Variants in MAPK8 observed in about 807,000 individuals in gnomAD.
The protein encoded by MAPK8 is mitogen-activated protein kinase 8, also known as JUN N-terminal kinase.
MAPK8 carries 13 observed loss-of-function variants against 52.9 expected under a neutral mutation model. That is an observed-to-expected ratio of 0.25 (90% confidence interval 0.16 to 0.39). The LOEUF (loss-of-function observed/expected upper bound fraction) is 0.39. MAPK8 is among the 10% of genes least tolerant of loss of function. The probability of loss-of-function intolerance (pLI) is 1.00; values close to 1 mark genes in which losing one functional copy is unlikely to be tolerated. For synonymous variants in MAPK8, 191 were observed against 169.8 expected, an observed-to-expected ratio of 1.12 and a Z score of -0.97; for missense variants, 300 against 519.2, an observed-to-expected ratio of 0.58 and a Z score of 4.10.
intron 1 of MAPK8, among the ~76,000 whole-genome samples, chr10:48,315,584 C>T (rs1842418391): frequency 1.4e-5 from 2 of 143,496 alleles, no homozygotes; most frequent in African/African-American, 2.6e-5. Flanking sequence ...TTTTTTTTTG[C>T]TGTTTTATAT....
At chr10:48,331,136 A>G (rs879603941) in intron 1 of MAPK8, among the ~76,000 whole-genome samples, 16 of 152,176 alleles carry the variant, frequency 1.1e-4, no homozygotes, top group Non-Finnish European at 2.2e-4. Flanking sequence ...ACCATACATC[A>G]TCCCAGCTGG....
At chr10:48,323,961 T>G (rs1406717981) in intron 1 of MAPK8, among the ~76,000 whole-genome samples, 1 of 152,240 alleles carries the variant, frequency 6.6e-6, no homozygotes. Context: ...TTTTGGTTCC[T>G]TACAACTGAA....
chr10:48,405,006 A>G (rs1357582136), intron 3 of MAPK8, 25 bp downstream of exon 3: 1 of 1,543,164 alleles, frequency 6.5e-7, no homozygotes, highest in Admixed American at 1.9e-5. Context: ...TTGGTTTCCT[A>G]AGTATAGATG....
At chr10:48,316,672 G>A (rs10745266) in intron 1 of MAPK8, among the ~76,000 whole-genome samples, 76,528 of 152,076 alleles carry the variant, frequency 0.5, 19,869 homozygotes, top group Middle Eastern at 0.72. Flanking sequence ...AGGGTGCAAA[G>A]AGTGAGTTTG....
chr10:48,400,602 A>G (rs372759345), intron 1 of MAPK8, among the ~76,000 whole-genome samples: 1 of 152,160 alleles, frequency 6.6e-6, no homozygotes, highest in Non-Finnish European at 1.5e-5. Flanking sequence ...CAGGACATGC[A>G]GACTGCCTAG....
intron 1 of MAPK8, among the ~76,000 whole-genome samples, chr10:48,348,167 T>C (rs559307947): frequency 5.3e-5 from 8 of 152,360 alleles, no homozygotes; most frequent in African/African-American, 1.9e-4. Context: ...TCTTCATGTG[T>C]TTGTTGGCTG....
intron 5 of MAPK8, among the ~76,000 whole-genome samples, chr10:48,412,969 G>A (rs1011385452): frequency 7.9e-5 from 12 of 151,860 alleles, no homozygotes; most frequent in African/African-American, 2.4e-4. Context: ...CGCAACCCCC[G>A]ACAGACATCA....
chr10:48,354,129 C>T (rs993105582), intron 1 of MAPK8, among the ~76,000 whole-genome samples: 6 of 152,040 alleles, frequency 3.9e-5, no homozygotes, highest in Admixed American at 2.6e-4. Context: ...TTGGAACTTC[C>T]TTTGAATCTA....
At chr10:48,324,891 T>A (rs1009644412) in intron 1 of MAPK8, among the ~76,000 whole-genome samples, 11 of 152,178 alleles carry the variant, frequency 7.2e-5, no homozygotes, top group Non-Finnish European at 1.3e-4. Flanking sequence ...AGCAGCCTTT[T>A]ACCTGTGTGT....
chr10:48,418,825 A>G (rs1469862624), intron 5 of MAPK8, among the ~76,000 whole-genome samples: 1 of 152,206 alleles, frequency 6.6e-6, no homozygotes, highest in Non-Finnish European at 1.5e-5. Flanking sequence ...GTCTTTAAAA[A>G]TTGTTACTTT....
rs1176739689 is a variant in MAPK8 at position 48,436,263 on chromosome 10, T to C, written c.*1234T>C. On this transcript the variant is annotated 3_prime_UTR_variant, in exon 12 of 12. Transcript: ENST00000374189. Reference sequence around the variant, plus strand: ...TGGTGGTTATTTAGTCTAAGTCTTTTATTTTTTTATACCTGATTTTCAACA... The same window carrying C: ...TGGTGGTTATTTAGTCTAAGTCTTTCATTTTTTTATACCTGATTTTCAACA... 2.0e-5 allele frequency: 3 copies of C among 152,238 alleles called. No individual in the cohort carries two copies. The highest frequency in any genetic ancestry group is 2.9e-5 in the Non-Finnish European group (2 of 68,044). The allele number at this position is 152,238 out of a possible 1,614,324, so 9.4% of individuals were successfully genotyped here. A position where few individuals can be genotyped will look rare whatever the true frequency, so the allele number is the denominator to read the frequency against.
intron 1 of MAPK8, among the ~76,000 whole-genome samples, chr10:48,309,491 G>A (rs143746176): frequency 5.0e-4 from 76 of 152,240 alleles, no homozygotes; most frequent in African/African-American, 1.8e-3. Flanking sequence ...TAGATCCTGG[G>A]GGAAATGCCA....
chr10:48,403,038 T>C (rs1177694260), intron 2 of MAPK8, among the ~76,000 whole-genome samples: 1 of 152,162 alleles, frequency 6.6e-6, no homozygotes, highest in African/African-American at 2.4e-5. Flanking sequence ...GTACCATATA[T>C]TTATGGATTA....
Position 48,427,445 on chromosome 10 carries a change from C to T in MAPK8, c.1060+302C>T, listed in dbSNP as rs188581032. ...CTCTCCTCTTCCACCCTTTTAAAAT[C>T]ACGTATGGTTGTGTACGGTGTATGC... On this transcript the variant is annotated intron_variant, in intron 10 of 11. Transcript: ENST00000374189. 5.9e-5 allele frequency: 18 copies of T among 302,804 alleles called. No individual in the cohort carries two copies. The East Asian group carries it at 1.2e-3, about 19-fold the overall frequency. The allele number at this position is 302,804 out of a possible 1,614,324, so 18.8% of individuals were successfully genotyped here.
chr10:48,398,836 A>G (rs745890352), intron 1 of MAPK8, among the ~76,000 whole-genome samples: 21 of 152,152 alleles, frequency 1.4e-4, no homozygotes, highest in Non-Finnish European at 3.1e-4. Flanking sequence ...AGTGGTTGCT[A>G]GGAGTTGGGG....
chr10:48,333,528 T>C (rs950876156), intron 1 of MAPK8, among the ~76,000 whole-genome samples: 1 of 152,186 alleles, frequency 6.6e-6, no homozygotes, highest in African/African-American at 2.4e-5. Flanking sequence ...TAGAAACAGG[T>C]GGAATGGGTT....
intron 1 of MAPK8, among the ~76,000 whole-genome samples, chr10:48,351,867 A>G (rs1012864378): frequency 4.6e-5 from 7 of 152,148 alleles, no homozygotes; most frequent in Non-Finnish European, 7.4e-5. Context: ...AAAACCCAAA[A>G]TCTAAAAATG....
intron 1 of MAPK8, among the ~76,000 whole-genome samples, chr10:48,337,026 G>T (rs1844753234): frequency 6.6e-6 from 1 of 152,104 alleles, no homozygotes; most frequent in African/African-American, 2.4e-5. Context: ...CACAATAATA[G>T]TGGAGGACTG....
intron 10 of MAPK8, among the ~76,000 whole-genome samples, chr10:48,428,154 T>C (rs776833142): frequency 5.9e-5 from 9 of 152,250 alleles, no homozygotes; most frequent in Non-Finnish European, 1.2e-4. Context: ...TTTTAATATT[T>C]GTAAATCTAA....
Sources: gnomAD v4.1 joint callset for allele counts (sites outside exome capture counted in the v4.1 genomes callset) on GRCh38, gnomAD v4.1.1 for gene constraint, MANE v1.5 for transcripts, NCBI Gene and HGNC (gene_info 2026-07-23, HGNC 2026-07-21) for gene names.